The following PHF2 variants were observed in gnomAD, a reference collection of about 807,000 sequenced individuals.
PHF2 encodes the protein lysine-specific demethylase PHF2.
In PHF2, 27 loss-of-function variants were observed where a neutral mutation model predicts 120.5. The ratio of observed to expected loss-of-function variants is 0.22; its 90% CI spans 0.17 to 0.31. PHF2 has a LOEUF of 0.31. Among genes scored for constraint, PHF2 ranks in the 10% least tolerant of loss-of-function variants. The probability of loss-of-function intolerance (pLI) is 1.00; values close to 1 mark genes in which losing one functional copy is unlikely to be tolerated. For missense variants in PHF2, 1,024 were observed against 1,434.8 expected (o/e 0.71, Z 4.63); for synonymous variants, 568 against 592.5 (o/e 0.96, Z 0.60).
At chr9:93,590,884 C>A (rs1311441780) in intron 1 of PHF2, among the ~76,000 whole-genome samples, 1 of 152,248 alleles carries the variant, frequency 6.6e-6, no homozygotes, top group Admixed American at 6.5e-5. Context: ...ATGAGCAGCA[C>A]TGCTGAGATT....
At chr9:93,667,278 C>A in intron 17 of PHF2, 38 bp downstream of exon 17, 1 of 1,585,884 alleles carries the variant, frequency 6.3e-7, no homozygotes, top group Non-Finnish European at 8.6e-7. Flanking sequence ...AGAGCGGGGA[C>A]CAGGCAGGCC....
In PHF2 at chr9:93,620,199, C is replaced by T. The variant is rs549455939; in HGVS notation, c.99-9771C>T. ...CAGCGGCCTGCAGAGGGCTCCAGCT[C>T]CTGTTCCCAGGAGGGAGAGGCCCAC... On this transcript the variant is annotated intron_variant, in intron 1 of 21. Transcript: ENST00000359246. Among the ~76,000 whole-genome samples, 17 of 152,270 alleles carry T rather than the reference C, an allele frequency of 1.1e-4. No individual in the cohort carries two copies. In the South Asian group the frequency reaches 2.5e-3, roughly 22 times the overall value.
intron 1 of PHF2, among the ~76,000 whole-genome samples, chr9:93,585,423 G>C (rs887201919): frequency 1.3e-5 from 2 of 152,212 alleles, no homozygotes; most frequent in African/African-American, 4.8e-5. Flanking sequence ...CCTAGAGTAG[G>C]GACAGCAAGC....
In PHF2 at chr9:93,674,904, G is replaced by A. The variant is rs777957016; in HGVS notation, c.2627-23G>A. The A allele has an allele frequency of 2.1e-5, 33 of 1,586,252 alleles. No individual in the cohort carries two copies. In the Middle Eastern group the frequency reaches 8.3e-4, roughly 40 times the overall value. On this transcript the variant is annotated intron_variant, in intron 18 of 21. Transcript: ENST00000359246. The stretch of plus-strand genomic sequence containing the variant: ...ACCTGCCCTGCACTCAGCGGGCCAC[G>A]CCTTCCCTCTGCCTCCCTCTAGTTT...
intron 1 of PHF2, among the ~76,000 whole-genome samples, chr9:93,599,029 C>G (rs1393796649): frequency 1.3e-5 from 2 of 152,178 alleles, no homozygotes; most frequent in Non-Finnish European, 2.9e-5. Flanking sequence ...ATTTATTGCA[C>G]TGTTGCTCAG....
intron 1 of PHF2, among the ~76,000 whole-genome samples, chr9:93,589,081 A>G (rs928902412): frequency 1.3e-5 from 2 of 152,200 alleles, no homozygotes; most frequent in African/African-American, 4.8e-5. Context: ...CCGCTTTCCC[A>G]GGACCCTCAA....
intron 1 of PHF2, among the ~76,000 whole-genome samples, chr9:93,588,838 C>T (rs1308542703): frequency 2.0e-5 from 3 of 152,180 alleles, no homozygotes; most frequent in African/African-American, 7.2e-5. Flanking sequence ...TTGCAGTGAG[C>T]CGAAACTGCG....
chr9:93,639,678 GAGAGCTTC>G (rs972982033), intron 3 of PHF2, among the ~76,000 whole-genome samples: 13 of 152,280 alleles, frequency 8.5e-5, no homozygotes, highest in African/African-American at 3.1e-4. Flanking sequence ...ACACCCAAGG[GAGAGCTTC>G]AGTTTCACTA....
Position 93,636,472 on chromosome 9 carries a change from G to T in PHF2, c.246G>T (p.Val82=), listed in dbSNP as rs1826094926. The stretch of plus-strand genomic sequence containing the variant: ...GGCAAGCGCCTGACGTCAAGCCCGT[G>T]CAGAATGGCAGCCAGCTCTTCATCA... ...GPGQAPDVKP[V]QNGSQLFIKE... is the part of the protein sequence containing the mutation. The change falls in exon 3 of 22, where the codon GTG becomes GTT. Residue 82 remains valine, a synonymous_variant. Transcript: ENST00000359246. 6.2e-7 allele frequency: 1 copy of T among 1,608,872 alleles called. No homozygotes were observed. Among genetic ancestry groups the T allele is most frequent in the Non-Finnish European group, 8.5e-7 (1 of 1,177,984 alleles).
At position 93,636,407 on chromosome 9, in the gene PHF2, A is replaced by G. The variant is rs1256003316; in HGVS notation, c.185-4A>G. 6.2e-7 allele frequency: 1 copy of G among 1,600,658 alleles called. No individual in the cohort carries two copies. The highest frequency in any genetic ancestry group is 1.7e-5 in the Admixed American group (1 of 57,830). On this transcript the variant is annotated splice_region_variant and splice_polypyrimidine_tract_variant and intron_variant, in intron 2 of 21. Transcript: ENST00000359246. ...ACCGACCTTGCTTCCGGTCTCCTCC[A>G]CAGTAAAGAAGAAGCGGACCTGGCA... is the stretch of plus-strand genomic sequence containing the variant.
intron 1 of PHF2, among the ~76,000 whole-genome samples, chr9:93,615,223 G>C (rs1396119535): frequency 6.6e-6 from 1 of 150,666 alleles, no homozygotes; most frequent in Non-Finnish European, 1.5e-5. Context: ...GATGGTGATA[G>C]TAATGGTGAT....
intron 1 of PHF2, among the ~76,000 whole-genome samples, chr9:93,584,582 T>C (rs932109266): frequency 9.2e-5 from 14 of 152,250 alleles, no homozygotes; most frequent in Non-Finnish European, 1.5e-4. Context: ...GGACTCTCAG[T>C]TCTATTCCAT....
chr9:93,583,082 C>G (rs1475345190), intron 1 of PHF2, among the ~76,000 whole-genome samples: 18 of 152,168 alleles, frequency 1.2e-4, no homozygotes. Flanking sequence ...CCCACTAGCC[C>G]CTGACAACTA....
rs576390467 is a variant in PHF2, at chr9:93,659,608, C to CA, written c.1329+8_1329+9insA. Reference sequence around the variant, plus strand: ...GAGATCCGGCTCAGTGAGGTGGGGCCGTGTCCAGGTGCTGGGCTGGACCCC... The same window carrying CA: ...GAGATCCGGCTCAGTGAGGTGGGGCCAGTGTCCAGGTGCTGGGCTGGACCCC... On this transcript the variant is annotated intron_variant, in intron 11 of 21. Transcript: ENST00000359246. 5.8e-4 allele frequency: 941 copies of CA among 1,613,036 alleles called. No individual in the cohort carries two copies. Among genetic ancestry groups the CA allele is most frequent in the Non-Finnish European group, 7.6e-4 (900 of 1,179,358 alleles).
intron 1 of PHF2, among the ~76,000 whole-genome samples, chr9:93,613,661 G>T (rs1391965511): frequency 1.3e-5 from 2 of 151,126 alleles, no homozygotes; most frequent in Non-Finnish European, 2.9e-5. Flanking sequence ...CTGGGCTCAA[G>T]CAAGGAACTC....
chr9:93,618,570 A>C (rs1331785257), intron 1 of PHF2, among the ~76,000 whole-genome samples: 2 of 152,194 alleles, frequency 1.3e-5, no homozygotes, highest in African/African-American at 4.8e-5. Flanking sequence ...GTTTTCCACC[A>C]AAAGGAATTG....
intron 1 of PHF2, among the ~76,000 whole-genome samples, chr9:93,596,532 C>T (rs993271552): frequency 6.6e-6 from 1 of 152,058 alleles, no homozygotes; most frequent in African/African-American, 2.4e-5. Context: ...CACCCAGAAC[C>T]TTCAGAGGAC....
At chr9:93,647,235 A>G (rs1406591660) in intron 4 of PHF2, among the ~76,000 whole-genome samples, 1 of 152,124 alleles carries the variant, frequency 6.6e-6, no homozygotes, top group East Asian at 1.9e-4. Context: ...AGTGCCAGGC[A>G]TTTTTCTAAG....
At chr9:93,628,692 C>G (rs1825950891) in intron 1 of PHF2, among the ~76,000 whole-genome samples, 1 of 152,146 alleles carries the variant, frequency 6.6e-6, no homozygotes, top group Admixed American at 6.5e-5. Context: ...TCTGGGGCTA[C>G]CTGGGGGGAA....
Sources: allele counts gnomAD v4.1 joint callset (sites outside exome capture counted in the v4.1 genomes callset), GRCh38; gene constraint gnomAD v4.1.1; transcripts MANE v1.5; gene names NCBI Gene and HGNC (gene_info 2026-07-23, HGNC 2026-07-21).